KSR2: variants seen among roughly 807,000 people sequenced by gnomAD.
KSR2 encodes kinase suppressor of ras 2.
In KSR2, 25 loss-of-function variants were observed where a neutral mutation model predicts 107.8. That is an observed-to-expected ratio of 0.23 (90% CI 0.17 to 0.32). The LOEUF (loss-of-function observed/expected upper bound fraction) is 0.32, where lower values mean the gene tolerates loss of function less well. KSR2 is among the 10% of genes least tolerant of loss of function. The probability of loss-of-function intolerance (pLI) is 1.00; values close to 1 mark genes in which losing one functional copy is unlikely to be tolerated. For synonymous variants in KSR2, 480 were observed against 507.0 expected (o/e 0.95, Z 0.71); for missense variants, 887 against 1,268.9 (o/e 0.70, Z 4.57).
chr12:117,467,237 A>G, intron 19 of KSR2, 32 bp from the exon 20 acceptor site: 1 of 724,064 alleles, frequency 1.4e-6, no homozygotes, highest in Non-Finnish European at 2.5e-6. Context: ...GAGAGTGGTG[A>G]GAGGTCACAA....
chr12:117,811,132 A>G (rs1891176347), intron 3 of KSR2, among the ~76,000 whole-genome samples: 2 of 152,122 alleles, frequency 1.3e-5, no homozygotes, highest in Non-Finnish European at 2.9e-5. Context: ...CCTGGCAAAT[A>G]GAAAGTTCTT....
intron 7 of KSR2, among the ~76,000 whole-genome samples, chr12:117,577,724 T>C (rs1469672670): frequency 6.6e-6 from 1 of 152,160 alleles, no homozygotes; most frequent in Non-Finnish European, 1.5e-5. Flanking sequence ...CCATGAGGCT[T>C]ATTCACGACC....
chr12:117,962,344 G>C (rs1896683841), intron 1 of KSR2, among the ~76,000 whole-genome samples: 1 of 151,868 alleles, frequency 6.6e-6, no homozygotes, highest in Non-Finnish European at 1.5e-5. Flanking sequence ...CTGTCTTTCA[G>C]AGTTTTTCCC....
At chr12:117,467,366 T>A (rs1566119172) in intron 19 of KSR2, among the ~76,000 whole-genome samples, 161 bp from the exon 20 acceptor site, 1 of 152,250 alleles carries the variant, frequency 6.6e-6, no homozygotes, top group Non-Finnish European at 1.5e-5. Context: ...ACTGAGTTCT[T>A]ACTATATGCT....
intron 7 of KSR2, among the ~76,000 whole-genome samples, chr12:117,578,791 C>G (rs1593013649): frequency 6.6e-6 from 1 of 152,192 alleles, no homozygotes; most frequent in East Asian, 1.9e-4. Context: ...TCTGCAAAGC[C>G]TAAAATATTT....
intron 1 of KSR2, among the ~76,000 whole-genome samples, chr12:117,892,728 C>G (rs1411127076): frequency 3.1e-5 from 4 of 130,328 alleles, no homozygotes; most frequent in Admixed American, 9.2e-5. Context: ...ACCCAAAAAG[C>G]TTAAAATATT....
intron 7 of KSR2, among the ~76,000 whole-genome samples, chr12:117,573,674 C>T (rs1879057132): frequency 1.3e-5 from 2 of 151,864 alleles, no homozygotes. Flanking sequence ...ATTACAGGCG[C>T]CCATCACCAA....
At chr12:117,938,560 T>TAATA (rs80030527) in intron 1 of KSR2, among the ~76,000 whole-genome samples, 32,978 of 147,404 alleles carry the variant, frequency 0.22, 4,215 homozygotes, top group Non-Finnish European at 0.29. Flanking sequence ...AGTATAATAA[T>TAATA]AATAAATAAA....
intron 2 of KSR2, among the ~76,000 whole-genome samples, chr12:117,859,081 A>G (rs1893194312): frequency 6.6e-6 from 1 of 151,818 alleles, no homozygotes; most frequent in African/African-American, 2.4e-5. Context: ...TCAGATGCTC[A>G]CAACAGTAAC....
chr12:117,832,142 G>A (rs1168192149), intron 3 of KSR2, among the ~76,000 whole-genome samples: 1 of 152,114 alleles, frequency 6.6e-6, no homozygotes, highest in Non-Finnish European at 1.5e-5. Context: ...AAAATTAGCT[G>A]GGTGTGGTGA....
At chr12:117,492,595 T>C (rs1019569054) in intron 14 of KSR2, among the ~76,000 whole-genome samples, 1 of 152,214 alleles carries the variant, frequency 6.6e-6, no homozygotes, top group African/African-American at 2.4e-5. Flanking sequence ...GCTCCAAAGA[T>C]GTCCACATCC....
intron 1 of KSR2, among the ~76,000 whole-genome samples, chr12:117,944,772 C>A (rs1190883695): frequency 6.6e-6 from 1 of 151,554 alleles, no homozygotes; most frequent in East Asian, 2.0e-4. Context: ...ATGAGAGGAT[C>A]GCTTGAGCCT....
At chr12:117,639,425 G>T (rs556047315) in intron 5 of KSR2, among the ~76,000 whole-genome samples, 1 of 151,166 alleles carries the variant, frequency 6.6e-6, no homozygotes, top group African/African-American at 2.4e-5. Flanking sequence ...CGTCTCCCAG[G>T]TTCAAGCAAT....
At chr12:117,529,152 G>A (rs1377104379) in intron 12 of KSR2, among the ~76,000 whole-genome samples, 3 of 152,142 alleles carry the variant, frequency 2.0e-5, no homozygotes, top group African/African-American at 7.2e-5. Flanking sequence ...TTAGGAAACT[G>A]GTCAAATCCT....
At chr12:117,902,740 TA>T (rs770990447) in intron 1 of KSR2, among the ~76,000 whole-genome samples, 10 of 150,836 alleles carry the variant, frequency 6.6e-5, no homozygotes, top group South Asian at 2.1e-4. Context: ...ACTTAAAGTA[TA>T]AAAAAAAAGG....
intron 4 of KSR2, among the ~76,000 whole-genome samples, chr12:117,703,119 G>C (rs1040563553): frequency 6.6e-6 from 1 of 152,244 alleles, no homozygotes; most frequent in Non-Finnish European, 1.5e-5. Context: ...CAGAGAGAGA[G>C]AGAGAGAGAC....
At position 117,737,691 on chromosome 12, in the gene KSR2, G is replaced by A. The variant is rs574637007; in HGVS notation, c.986+23320C>T. On this transcript the variant is annotated intron_variant, in intron 4 of 19. Transcript: ENST00000339824. ...CCAGCTACTCAGAATGCAGAGGCAC[G>A]AGAATGGTTTGAACCCAGGAGGCAG... Among the ~76,000 whole-genome samples the A allele has an allele frequency of 2.7e-5, 4 of 149,054 alleles. No homozygotes were observed. In the South Asian group the frequency reaches 8.5e-4, roughly 32 times the overall value.
At chr12:117,934,562 T>G (rs1318446287) in intron 1 of KSR2, among the ~76,000 whole-genome samples, 2 of 152,286 alleles carry the variant, frequency 1.3e-5, no homozygotes, top group Non-Finnish European at 1.5e-5. Flanking sequence ...CTGAAGCCAG[T>G]GCTACCCATA....
intron 3 of KSR2, among the ~76,000 whole-genome samples, chr12:117,851,387 G>A (rs1397227311): frequency 1.3e-5 from 2 of 152,124 alleles, no homozygotes; most frequent in Admixed American, 6.5e-5. Flanking sequence ...CCAGGATTTC[G>A]AGACCAAACT....
Sources: gnomAD v4.1 joint callset for allele counts (sites outside exome capture counted in the v4.1 genomes callset) on GRCh38, gnomAD v4.1.1 for gene constraint, MANE v1.5 for transcripts, NCBI Gene and HGNC (gene_info 2026-07-23, HGNC 2026-07-21) for gene names.